HMCN1: variants seen among roughly 807,000 people sequenced by gnomAD.
HMCN1 encodes hemicentin 1, also known as hemicentin-1.
In HMCN1, 321 loss-of-function variants were observed where a neutral mutation model predicts 625.9. The ratio of observed to expected loss-of-function variants is 0.51; its 90% CI spans 0.47 to 0.56. HMCN1 has a LOEUF of 0.56. Ranked by LOEUF, HMCN1 falls within the 20% of genes least tolerant of loss-of-function variation. The pLI is 0.00. For missense variants in HMCN1, 6,588 were observed against 6,887.3 expected, an observed-to-expected ratio of 0.96 and a Z score of 1.54; for synonymous variants, 2,425 against 2,417.6, an observed-to-expected ratio of 1.00 and a Z score of -0.09.
intron 102 of HMCN1, among the ~76,000 whole-genome samples, chr1:186,173,640 C>CAAAAAAAAAAAAAAAAAAA (rs762258823): frequency 1.3e-5 from 1 of 74,698 alleles, no homozygotes; most frequent in Non-Finnish European, 2.6e-5. Context: ...GACTCCATCT[C>CAAAAAAAAAAAAAAAAAAA]AAAAAAAAAA....
At position 186,165,274 on chromosome 1, in the gene HMCN1, T is replaced by C. The variant is rs1651810144; in HGVS notation, c.15319+101T>C. The stretch of plus-strand genomic sequence containing the variant: ...TGCCCTTTCACTAGGTATTTAATCT[T>C]CACAACAGTTCTGTAAACATCCCAT... On this transcript the variant is annotated intron_variant, in intron 98 of 106. Coordinates refer to ENST00000271588, the MANE Select transcript of HMCN1 (RefSeq NM_031935.3). 3.0e-6 allele frequency: 3 copies of C among 1,009,828 alleles called. No homozygotes were observed. In the South Asian group the frequency reaches 4.0e-5, roughly 14 times the overall value. The allele number at this position is 1,009,828 out of a possible 1,614,324, so 62.6% of individuals were successfully genotyped here. A position where few individuals can be genotyped will look rare whatever the true frequency, so the allele number is the denominator to read the frequency against.
chr1:186,043,821 G>A (rs1656368756), intron 40 of HMCN1, among the ~76,000 whole-genome samples: 2 of 152,090 alleles, frequency 1.3e-5, no homozygotes, highest in Non-Finnish European at 2.9e-5. Flanking sequence ...TATAATCCCA[G>A]CACTTTGGGA....
chr1:185,824,470 C>A (rs1660388337), intron 1 of HMCN1, among the ~76,000 whole-genome samples: 1 of 151,916 alleles, frequency 6.6e-6, no homozygotes, highest in African/African-American at 2.4e-5. Context: ...GTAAATATAC[C>A]CTCTCTGCAA....
chr1:185,903,298 T>A (rs892607821), intron 4 of HMCN1, among the ~76,000 whole-genome samples: 1 of 151,774 alleles, frequency 6.6e-6, no homozygotes, highest in Non-Finnish European at 1.5e-5. Context: ...TATTGGGTGC[T>A]CATTGAGTTG....
In HMCN1 at chr1:186,190,219, G is replaced by A. The variant is rs777224574; in HGVS notation, c.*341G>A. The stretch of plus-strand genomic sequence containing the variant: ...TTTCCTGAAAGCCAAACCAAACAAC[G>A]AAAAACAAGAACAACTAATTCAGAA... On this transcript the variant is annotated 3_prime_UTR_variant, in exon 107 of 107. Transcript: ENST00000271588. 14 of 267,766 alleles carry A rather than the reference G, an allele frequency of 5.2e-5. No individual in the cohort carries two copies. Among genetic ancestry groups the A allele is most frequent in the East Asian group, 1.2e-4 (2 of 17,144 alleles). 16.6% of individuals were successfully genotyped at this position (267,766 alleles called of 1,614,324 possible). A position where few individuals can be genotyped will look rare whatever the true frequency, so the allele number is the denominator to read the frequency against.
intron 97 of HMCN1, among the ~76,000 whole-genome samples, chr1:186,157,769 C>T (rs1651127056): frequency 6.6e-6 from 1 of 152,168 alleles, no homozygotes; most frequent in African/African-American, 2.4e-5. Context: ...AGGACATGAA[C>T]TCATCATTGT....
intron 50 of HMCN1, among the ~76,000 whole-genome samples, chr1:186,068,862 C>T (rs1472437275): frequency 9.8e-6 from 1 of 101,674 alleles, no homozygotes; most frequent in African/African-American, 4.6e-5. Flanking sequence ...GAGCAAGACT[C>T]GGTCTCAAAA....
chr1:186,017,148 CTGTATCAT>C, intron 33 of HMCN1, 77 bp downstream of exon 33: 1 of 794,874 alleles, frequency 1.3e-6, no homozygotes, highest in Non-Finnish European at 2.3e-6. Flanking sequence ...GAAAGCTGTT[CTGTATCAT>C]TAAAAAGGAT....
intron 14 of HMCN1, among the ~76,000 whole-genome samples, chr1:185,968,922 A>T (rs1056586853): frequency 1.3e-5 from 2 of 152,204 alleles, no homozygotes; most frequent in African/African-American, 2.4e-5. Flanking sequence ...TGTGATTAAA[A>T]CAGAAACTTA....
rs1651882311 is a variant in HMCN1 at position 186,166,394 on chromosome 1, T to C, written c.15439+91T>C. The C allele has an allele frequency of 8.7e-6, 13 of 1,494,186 alleles. No individual in the cohort carries two copies. In the South Asian group the frequency reaches 1.5e-4, roughly 17 times the overall value. 92.6% of individuals were successfully genotyped at this position (1,494,186 alleles called of 1,614,324 possible). A position where few individuals can be genotyped will look rare whatever the true frequency, so the allele number is the denominator to read the frequency against. ...ATGATAGACCCATTATCTTCTTTCC[T>C]ACTACTTCTGCCCACACCTTGGCAA... On this transcript the variant is annotated intron_variant, in intron 99 of 106. Transcript: ENST00000271588.
chr1:185,924,305 A>G (rs371615589), intron 8 of HMCN1, among the ~76,000 whole-genome samples: 1 of 131,294 alleles, frequency 7.6e-6, no homozygotes, highest in East Asian at 2.3e-4. Flanking sequence ...ATCTCGGCTC[A>G]CTGCAAGCCC....
chr1:186,041,153 A>G lies in HMCN1; in HGVS notation c.6304+17A>G. On this transcript the variant is annotated intron_variant, in intron 40 of 106. Transcript: ENST00000271588. ...GAGTATATGGTGAGACATTTTAGTA[A>G]TTAATTCTCTTCTGGTAGAGATATG... 1 of 1,608,702 alleles carries G rather than the reference A, an allele frequency of 6.2e-7. No individual in the cohort carries two copies. Among genetic ancestry groups the G allele is most frequent in the Non-Finnish European group, 8.5e-7 (1 of 1,175,500 alleles).
At chr1:185,934,685 C>T (rs568177625) in intron 11 of HMCN1, among the ~76,000 whole-genome samples, 13 of 152,184 alleles carry the variant, frequency 8.5e-5, no homozygotes, top group Admixed American at 3.9e-4. Flanking sequence ...ATTTCAGTTC[C>T]TTGATGTGGG....
intron 1 of HMCN1, among the ~76,000 whole-genome samples, chr1:185,764,223 GA>G (rs1655712832): frequency 6.6e-6 from 1 of 152,158 alleles, no homozygotes. Flanking sequence ...TTTGCATGGT[GA>G]AATGGAGGGT....
At chr1:185,919,039 T>A (rs1012853370) in intron 6 of HMCN1, among the ~76,000 whole-genome samples, 3 of 150,630 alleles carry the variant, frequency 2.0e-5, no homozygotes, top group African/African-American at 7.4e-5. Flanking sequence ...TAGAAAGACA[T>A]TAAGATAGTA....
At chr1:186,006,361 A>G (rs929811550) in intron 29 of HMCN1, among the ~76,000 whole-genome samples, 1 of 152,120 alleles carries the variant, frequency 6.6e-6, no homozygotes, top group African/African-American at 2.4e-5. Flanking sequence ...TTAAAAAACT[A>G]GCTATGGATA....
chr1:186,126,581 C>T, intron 82 of HMCN1, among the ~76,000 whole-genome samples: 1 of 151,902 alleles, frequency 6.6e-6, no homozygotes, highest in Non-Finnish European at 1.5e-5. Flanking sequence ...TTGAGCAAAA[C>T]TTGAAGGAAG....
chr1:185,807,927 G>A (rs1363332516), intron 1 of HMCN1, among the ~76,000 whole-genome samples: 1 of 152,130 alleles, frequency 6.6e-6, no homozygotes, highest in Admixed American at 6.5e-5. Flanking sequence ...TTTAAGGTAT[G>A]GAACTTTCTG....
Position 186,125,693 on chromosome 1 carries a change from A to G in HMCN1, c.12589A>G (p.Thr4197Ala), listed in dbSNP as rs762302526. ...TCCATGCGTAGCTGATGGAATCCCC[A>G]CACCAGCAATTAACTGGAAAAAAGA... is the stretch of plus-strand genomic sequence containing the variant. ...ILPCVADGIP[T>A]PAINWKKDNV... Residue 4197 changes from threonine (T) to alanine (A), a missense_variant, in exon 82 of 107, where the codon ACA (threonine) becomes GCA (alanine). Transcript: ENST00000271588. 5 of 1,612,440 alleles carry G rather than the reference A, an allele frequency of 3.1e-6. No homozygotes were observed. The highest frequency in any genetic ancestry group is 4.2e-6 in the Non-Finnish European group (5 of 1,178,686).
Sources: gnomAD v4.1 joint callset for allele counts (sites outside exome capture counted in the v4.1 genomes callset) on GRCh38, gnomAD v4.1.1 for gene constraint, MANE v1.5 for transcripts, NCBI Gene and HGNC (gene_info 2026-07-23, HGNC 2026-07-21) for gene names.